Variants in AKNAD1 observed in about 807,000 individuals in gnomAD.
AKNAD1 encodes the protein AKNA domain containing 1.
A neutral mutation model predicts 90.8 loss-of-function variants in AKNAD1; 67 were observed. The observed-to-expected ratio is 0.74, with a 90% CI of 0.61 to 0.90. The LOEUF is 0.90. Among genes scored for constraint, AKNAD1 ranks in the 40% least tolerant of loss-of-function variants. The pLI is 0.00. For synonymous variants in AKNAD1, 327 were observed against 341.4 expected, an observed-to-expected ratio of 0.96 and a Z score of 0.46; for missense variants, 957 against 975.4, an observed-to-expected ratio of 0.98 and a Z score of 0.25.
At chr1:108,841,099 G>T (rs1266404025) in intron 6 of AKNAD1, among the ~76,000 whole-genome samples, 5 of 152,086 alleles carry the variant, frequency 3.3e-5, no homozygotes, top group African/African-American at 1.2e-4. Flanking sequence ...CTTGAACCTG[G>T]GAGGTGGAGG....
In AKNAD1 at chr1:108,851,956, G is replaced by A. The variant is rs779853995; in HGVS notation, c.709C>T (p.Gln237Ter). 16 of 1,614,196 alleles carry A rather than the reference G, an allele frequency of 9.9e-6. No homozygotes were observed. The South Asian group carries it at 1.6e-4, about 17-fold the overall frequency. The change falls in exon 2 of 16, where the codon CAG (glutamine) becomes TAG (stop). Residue 237 changes from glutamine to a stop codon, truncating the protein, a stop_gained. Transcript: ENST00000370001. LOFTEE classifies it high-confidence loss of function. ...TTGCCTGAATTTGCTTTTTCAGTCT[G>A]CTGTTTCTGGGGTGACTGCCCTTGA... ...SYQGQSPQKQ[Q>*]TEKANSGNTF... is the part of the protein sequence containing the mutation.
At position 108,852,514 on chromosome 1, in the gene AKNAD1, C is replaced by T; in HGVS notation, c.151G>A (p.Ala51Thr). The T allele has an allele frequency of 6.2e-7, 1 of 1,614,110 alleles. No individual in the cohort carries two copies. Among genetic ancestry groups the T allele is most frequent in the Non-Finnish European group, 8.5e-7 (1 of 1,180,010 alleles). ...ATAGCCTTCTCTTGAGGGTCATCTG[C>T]TATGAAAATAATTTGATTTAAGACT... Reference protein sequence around the residue: ...LEVLNQIIFIADDPQEKAMHS... With the variant: ...LEVLNQIIFITDDPQEKAMHS... The change falls in exon 2 of 16, where the codon GCA (alanine) becomes ACA (threonine). Residue 51 changes from alanine (A) to threonine (T), a missense_variant. Transcript: ENST00000370001.
rs766682459 is a variant in AKNAD1 at position 108,817,044 on chromosome 1, T to C, written c.2379+4A>G. 12 of 1,613,786 alleles carry C rather than the reference T, an allele frequency of 7.4e-6. No homozygotes were observed. Among genetic ancestry groups the C allele is most frequent in the Non-Finnish European group, 1.0e-5 (12 of 1,179,906 alleles). ...GCTTCTCGAATGATTTTCTAAGTCC[T>C]CACCTCAGATTTTATTTCTTCAGTG... On this transcript the variant is annotated splice_donor_region_variant and intron_variant, in intron 15 of 15. Coordinates refer to ENST00000370001, the MANE Select transcript of AKNAD1 (RefSeq NM_152763.5).
intron 14 of AKNAD1, among the ~76,000 whole-genome samples, chr1:108,818,683 C>T (rs571910596): frequency 6.6e-6 from 1 of 152,090 alleles, no homozygotes; most frequent in Non-Finnish European, 1.5e-5. Flanking sequence ...AAGAAGTCGG[C>T]CAGGCATGGT....
At chr1:108,826,476 C>T (rs1159782602) in intron 11 of AKNAD1, among the ~76,000 whole-genome samples, 3 of 151,596 alleles carry the variant, frequency 2.0e-5, no homozygotes, top group African/African-American at 4.8e-5. Context: ...CATTGAATTG[C>T]GTGTACTGGG....
chr1:108,830,065 T>C (rs1346310694), intron 10 of AKNAD1, among the ~76,000 whole-genome samples: 2 of 152,128 alleles, frequency 1.3e-5, no homozygotes, highest in Admixed American at 1.3e-4. Flanking sequence ...TTCCTGGGAC[T>C]GGGGGGCTCA....
intron 5 of AKNAD1, among the ~76,000 whole-genome samples, chr1:108,843,975 C>T (rs1223043556): frequency 6.6e-6 from 1 of 152,186 alleles, no homozygotes; most frequent in Non-Finnish European, 1.5e-5. Context: ...ATTTCTGGCC[C>T]TGGGCCAGAA....
chr1:108,816,134 T>A lies in AKNAD1; in HGVS notation c.*37A>T. 6.9e-7 allele frequency: 1 copy of A among 1,446,558 alleles called. No individual in the cohort carries two copies. The highest frequency in any genetic ancestry group is 1.3e-5 in the South Asian group (1 of 75,284). 89.6% of individuals were successfully genotyped at this position (1,446,558 alleles called of 1,614,324 possible). A position where few individuals can be genotyped will look rare whatever the true frequency, so the allele number is the denominator to read the frequency against. ...GGGGGAAGATCAAGTTTTCTTTGCA[T>A]TTTTTTCTTTTGAATCCTTGGTAGC... On this transcript the variant is annotated 3_prime_UTR_variant, in exon 16 of 16. Transcript: ENST00000370001.
chr1:108,823,682 T>C lies in AKNAD1; in HGVS notation c.1943A>G (p.Asp648Gly). The part of the protein sequence containing the change: ...APHSDSTPNS[D>G]TGHSFCSDSG... ...ATCAGAACAGAAGCTGTGTCCTGTA[T>C]CAGAATCTGAAAAAGCCCAAGTTGC... is the stretch of plus-strand genomic sequence containing the variant. Residue 648 changes from aspartate to glycine, a missense_variant, in exon 12 of 16, where the codon GAT becomes GGT. Coordinates refer to ENST00000370001, the MANE Select transcript of AKNAD1 (RefSeq NM_152763.5). 6.2e-7 allele frequency: 1 copy of C among 1,614,074 alleles called. No individual in the cohort carries two copies. Among genetic ancestry groups the C allele is most frequent in the South Asian group, 1.1e-5 (1 of 91,082 alleles).
At chr1:108,820,490 G>T in intron 14 of AKNAD1, 55 bp downstream of exon 14, 1 of 1,196,134 alleles carries the variant, frequency 8.4e-7, no homozygotes, top group Non-Finnish European at 1.2e-6. Flanking sequence ...CAAGTACACT[G>T]TATCCACCCA....
chr1:108,833,331 C>A (rs1664266139), intron 9 of AKNAD1, among the ~76,000 whole-genome samples: 1 of 152,078 alleles, frequency 6.6e-6, no homozygotes, highest in Non-Finnish European at 1.5e-5. Flanking sequence ...GCCTGTAATC[C>A]CAGCACTTTG....
At position 108,820,568 on chromosome 1, in the gene AKNAD1, A is replaced by G; in HGVS notation, c.2226T>C (p.Gly742=). 6.2e-7 allele frequency: 1 copy of G among 1,609,808 alleles called. No homozygotes were observed. The highest frequency in any genetic ancestry group is 8.5e-7 in the Non-Finnish European group (1 of 1,176,830). ...SQRVNSKSFK[G]EHEPTPGKKK... is the part of the protein sequence containing the mutation. Reference sequence around the variant, plus strand: ...ACTTTCCTGGTGTGGGCTCATGTTCACCTTTAAAGGATTTTGAATTCACTC... The same window carrying G: ...ACTTTCCTGGTGTGGGCTCATGTTCGCCTTTAAAGGATTTTGAATTCACTC... The change falls in exon 14 of 16, where the codon GGT becomes GGC. Residue 742 remains glycine, a synonymous_variant. Transcript: ENST00000370001.
Position 108,820,788 on chromosome 1 carries a change from G to A in AKNAD1, c.2168-162C>T, listed in dbSNP as rs144700668. Among the ~76,000 whole-genome samples the A allele has an allele frequency of 9.9e-5, 15 of 152,258 alleles. No homozygotes were observed. The East Asian group carries it at 1.5e-3, about 16-fold the overall frequency. On this transcript the variant is annotated intron_variant, in intron 13 of 15. Coordinates refer to ENST00000370001, the MANE Select transcript of AKNAD1 (RefSeq NM_152763.5). Reference sequence around the variant, plus strand: ...AGACAACAAAGAACTTTTGCTGGGCGCGGTGGCTCACGCCTGTAATCCCAG... The same window carrying A: ...AGACAACAAAGAACTTTTGCTGGGCACGGTGGCTCACGCCTGTAATCCCAG...
chr1:108,824,610 C>T lies in AKNAD1; in HGVS notation c.1937-922G>A, dbSNP rs182201536. The stretch of plus-strand genomic sequence containing the variant: ...GAAAATATGTTTACAAATTCTTTAA[C>T]GTGCTATTTTTATTTTTTTTGAGCC... On this transcript the variant is annotated intron_variant, in intron 11 of 15. Coordinates refer to ENST00000370001, the MANE Select transcript of AKNAD1 (RefSeq NM_152763.5). Among the ~76,000 whole-genome samples the T allele has an allele frequency of 5.3e-5, 8 of 151,752 alleles. 1 individual carries two copies. The East Asian group carries it at 8.0e-4, about 15-fold the overall frequency.
At chr1:108,820,680 G>A (rs985732207) in intron 13 of AKNAD1, 54 bp from the exon 14 acceptor site, 1 of 999,292 alleles carries the variant, frequency 1.0e-6, no homozygotes, top group Non-Finnish European at 1.6e-6. Context: ...AGCCCCAAAT[G>A]GTGCCTATGT....
chr1:108,827,150 C>A (rs552190178), intron 11 of AKNAD1, 55 bp downstream of exon 11: 11 of 1,342,896 alleles, frequency 8.2e-6, no homozygotes, highest in South Asian at 4.8e-5. Flanking sequence ...TGCGAGCAGA[C>A]CCCATGGGGA....
At chr1:108,835,834 C>T (rs1208575686) in intron 7 of AKNAD1, among the ~76,000 whole-genome samples, 5 of 152,194 alleles carry the variant, frequency 3.3e-5, no homozygotes, top group Admixed American at 1.3e-4. Flanking sequence ...CCATGTTGGC[C>T]AGGCTGGTCT....
chr1:108,839,611 G>A (rs1664480022), intron 6 of AKNAD1, among the ~76,000 whole-genome samples: 2 of 151,986 alleles, frequency 1.3e-5, no homozygotes, highest in South Asian at 4.1e-4. Flanking sequence ...ACATTTTCTT[G>A]AATTAAATAA....
intron 6 of AKNAD1, among the ~76,000 whole-genome samples, chr1:108,839,960 G>A (rs1480374991): frequency 6.6e-6 from 1 of 151,914 alleles, no homozygotes; most frequent in African/African-American, 2.4e-5. Flanking sequence ...GGAGTTTGAG[G>A]TTGCAATGAG....
Sources: gnomAD v4.1 joint callset for allele counts (sites outside exome capture counted in the v4.1 genomes callset) on GRCh38, gnomAD v4.1.1 for gene constraint, MANE v1.5 for transcripts, NCBI Gene and HGNC (gene_info 2026-07-23, HGNC 2026-07-21) for gene names.